Variants in PDS5A observed in about 807,000 individuals in gnomAD.
PDS5A encodes sister chromatid cohesion protein PDS5 homolog A.
In PDS5A, 42 loss-of-function variants were observed where a neutral mutation model predicts 167.1. The observed-to-expected ratio is 0.25, with a 90% confidence interval of 0.20 to 0.33. The LOEUF is 0.33. Among genes scored for constraint, PDS5A ranks in the 10% least tolerant of loss-of-function variants. PDS5A has a pLI of 1.00. For missense variants in PDS5A, 1,033 were observed against 1,605.9 expected, an observed-to-expected ratio of 0.64 and a Z score of 6.10; for synonymous variants, 553 against 554.6, an observed-to-expected ratio of 1.00 and a Z score of 0.04.
chr4:39,895,449 T>C (rs1313038037), intron 16 of PDS5A, among the ~76,000 whole-genome samples: 1 of 151,864 alleles, frequency 6.6e-6, no homozygotes, highest in Non-Finnish European at 1.5e-5. Context: ...ATAATAAAAA[T>C]GCCATATAAA....
intron 2 of PDS5A, among the ~76,000 whole-genome samples, chr4:39,937,425 A>G (rs1034663969): frequency 6.6e-6 from 1 of 151,968 alleles, no homozygotes; most frequent in Non-Finnish European, 1.5e-5. Flanking sequence ...TTTTAATTTT[A>G]TTTTTTGAGA....
chr4:39,895,678 T>C (rs1722345127), intron 16 of PDS5A, among the ~76,000 whole-genome samples: 1 of 152,152 alleles, frequency 6.6e-6, no homozygotes, highest in African/African-American at 2.4e-5. Context: ...CTTAGCTTTT[T>C]GTAATATTTT....
Position 39,913,597 on chromosome 4 carries a change from A to AAT in PDS5A, c.992+13_992+14insAT, listed in dbSNP as rs1560478169. ...TTTCTAAAATATAAACATCAGAATT[A>AAT]TATGTTCTCTTACCGTCCAAGAAAA... On this transcript the variant is annotated intron_variant, in intron 9 of 32. Coordinates refer to ENST00000303538, the MANE Select transcript of PDS5A (RefSeq NM_001100399.2). The AAT allele has an allele frequency of 7.3e-7, 1 of 1,375,788 alleles. No individual in the cohort carries two copies. The highest frequency in any genetic ancestry group is 1.2e-5 in the South Asian group (1 of 86,230). The allele number at this position is 1,375,788 out of a possible 1,614,324, so 85.2% of individuals were successfully genotyped here.
intron 26 of PDS5A, among the ~76,000 whole-genome samples, chr4:39,853,935 C>G (rs1296890783): frequency 6.6e-6 from 1 of 152,152 alleles, no homozygotes; most frequent in Non-Finnish European, 1.5e-5. Context: ...CAAATAAACA[C>G]AGTTTGTTCT....
intron 2 of PDS5A, among the ~76,000 whole-genome samples, chr4:39,941,163 C>T (rs1327002593): frequency 6.6e-6 from 1 of 152,150 alleles, no homozygotes; most frequent in Non-Finnish European, 1.5e-5. Context: ...TTCTGTCTTT[C>T]CTGCACTAGA....
At chr4:39,936,582 C>A (rs1463028557) in intron 2 of PDS5A, among the ~76,000 whole-genome samples, 1 of 152,006 alleles carries the variant, frequency 6.6e-6, no homozygotes, top group East Asian at 1.9e-4. Context: ...TGCATACCAC[C>A]ACATCTGGCT....
chr4:39,883,309 T>C (rs1052305006), intron 17 of PDS5A, among the ~76,000 whole-genome samples: 2 of 151,922 alleles, frequency 1.3e-5, no homozygotes, highest in Non-Finnish European at 2.9e-5. Flanking sequence ...GCCTCCCGAG[T>C]AGCTGGGATT....
chr4:39,953,586 C>T (rs1728619003), intron 2 of PDS5A, among the ~76,000 whole-genome samples: 1 of 151,868 alleles, frequency 6.6e-6, no homozygotes, highest in South Asian at 2.1e-4. Context: ...TAAATTGTAG[C>T]TGGGTGTAGT....
chr4:39,932,254 GC>G (rs1333369615), intron 2 of PDS5A, among the ~76,000 whole-genome samples: 1 of 152,162 alleles, frequency 6.6e-6, no homozygotes, highest in Non-Finnish European at 1.5e-5. Context: ...GGCCTGATAA[GC>G]ATTTGTACGT....
Position 39,825,271 on chromosome 4 carries a change from G to T in PDS5A, c.*214C>A. The T allele has an allele frequency of 4.4e-5, 18 of 407,600 alleles. No homozygotes were observed. The highest frequency in any genetic ancestry group is 4.3e-5 in the Admixed American group (1 of 23,430). The allele number at this position is 407,600 out of a possible 1,614,324, so 25.2% of individuals were successfully genotyped here. Reference sequence around the variant, plus strand: ...AAGGGGGAGAACAGAGTTGCTTTTAGCCTCTCTCTCAAGAGTTTCTGCTGT... The same window carrying T: ...AAGGGGGAGAACAGAGTTGCTTTTATCCTCTCTCTCAAGAGTTTCTGCTGT... On this transcript the variant is annotated 3_prime_UTR_variant, in exon 33 of 33. Transcript: ENST00000303538.
intron 21 of PDS5A, among the ~76,000 whole-genome samples, chr4:39,870,231 A>G (rs1719906638): frequency 6.6e-6 from 1 of 152,216 alleles, no homozygotes; most frequent in African/African-American, 2.4e-5. Context: ...AAATATCTCA[A>G]TTTAATAGCT....
chr4:39,855,436 A>G (rs1578612651), intron 26 of PDS5A, among the ~76,000 whole-genome samples: 1 of 152,212 alleles, frequency 6.6e-6, no homozygotes, highest in Non-Finnish European at 1.5e-5. Flanking sequence ...CTAACGAAAA[A>G]CTACAAATCA....
chr4:39,875,184 CAT>C (rs765582710), intron 19 of PDS5A, among the ~76,000 whole-genome samples: 1 of 152,030 alleles, frequency 6.6e-6, no homozygotes, highest in African/African-American at 2.4e-5. Flanking sequence ...GACAGAAAAA[CAT>C]AAAGCATTCT....
intron 5 of PDS5A, 39 bp from the exon 6 acceptor site, chr4:39,922,787 G>A (rs1462279949): frequency 3.6e-6 from 5 of 1,371,608 alleles, no homozygotes; most frequent in South Asian, 2.1e-5. Flanking sequence ...AGTAGGAGGA[G>A]GAAAAGAAGA....
chr4:39,856,739 C>T (rs1374473078), intron 26 of PDS5A, among the ~76,000 whole-genome samples: 1 of 152,078 alleles, frequency 6.6e-6, no homozygotes, highest in East Asian at 1.9e-4. Flanking sequence ...TTGCTTGAAC[C>T]TGGGAGGCAG....
At chr4:39,841,513 ATTT>A (rs879278110) in intron 31 of PDS5A, among the ~76,000 whole-genome samples, 2 of 142,630 alleles carry the variant, frequency 1.4e-5, no homozygotes, top group Non-Finnish European at 1.5e-5. Flanking sequence ...GACCACACAA[ATTT>A]TTTTTTTTTT....
At chr4:39,907,635 G>A (rs1302077517) in intron 11 of PDS5A, among the ~76,000 whole-genome samples, 1 of 148,752 alleles carries the variant, frequency 6.7e-6, no homozygotes, top group Non-Finnish European at 1.5e-5. Context: ...CACCCAGGCT[G>A]GAGTGCAGTG....
intron 5 of PDS5A, among the ~76,000 whole-genome samples, 193 bp from the exon 6 acceptor site, chr4:39,922,941 A>T (rs890589425): frequency 4.6e-5 from 7 of 152,212 alleles, no homozygotes; most frequent in African/African-American, 1.4e-4. Flanking sequence ...GTTGACTATT[A>T]CAACAGTTGT....
chr4:39,944,039 G>A (rs987559013), intron 2 of PDS5A, among the ~76,000 whole-genome samples: 3 of 151,362 alleles, frequency 2.0e-5, no homozygotes, highest in African/African-American at 7.3e-5. Flanking sequence ...TTAGCGGGGC[G>A]TGGTGGCGGG....
Sources: allele counts gnomAD v4.1 joint callset (sites outside exome capture counted in the v4.1 genomes callset), GRCh38; gene constraint gnomAD v4.1.1; transcripts MANE v1.5; gene names NCBI Gene and HGNC (gene_info 2026-07-23, HGNC 2026-07-21).